The following SUGCT variants were observed in gnomAD, a reference collection of about 807,000 sequenced individuals.
SUGCT encodes the protein succinyl-CoA:glutarate-CoA transferase.
In SUGCT, 41 loss-of-function variants were observed where a neutral mutation model predicts 55.0. The ratio of observed to expected loss-of-function variants is 0.74; its 90% CI spans 0.58 to 0.97. The LOEUF (loss-of-function observed/expected upper bound fraction) is 0.97, where lower values mean the gene tolerates loss of function less well. SUGCT is among the 50% of genes least tolerant of loss of function. The pLI, the probability that SUGCT is intolerant of heterozygous loss-of-function variation, is 0.00. For synonymous variants in SUGCT, 187 were observed against 200.4 expected (o/e 0.93, Z 0.56); for missense variants, 568 against 547.8 (o/e 1.04, Z -0.37).
intron 13 of SUGCT, among the ~76,000 whole-genome samples, chr7:40,769,386 C>A (rs1409041537): frequency 6.6e-6 from 1 of 152,168 alleles, no homozygotes; most frequent in African/African-American, 2.4e-5. Flanking sequence ...TGAATGCTAT[C>A]ATATATGACA....
At chr7:40,670,470 A>G (rs1391710841) in intron 12 of SUGCT, among the ~76,000 whole-genome samples, 1 of 152,186 alleles carries the variant, frequency 6.6e-6, no homozygotes, top group African/African-American at 2.4e-5. Flanking sequence ...AAAACAGGAT[A>G]TTACTACAGA....
the SUGCT span, among the ~76,000 whole-genome samples, chr7:40,868,678 T>A: frequency 5.3e-5 from 8 of 152,152 alleles, no homozygotes; most frequent in African/African-American, 1.7e-4. Context: ...CCTGAGTAGT[T>A]GGGACTACAG....
intron 12 of SUGCT, among the ~76,000 whole-genome samples, chr7:40,744,226 C>T (rs1358318537): frequency 6.6e-6 from 1 of 152,114 alleles, no homozygotes; most frequent in African/African-American, 2.4e-5. Flanking sequence ...CCACGCCTGG[C>T]CACTGATGAG....
At chr7:40,407,804 A>G (rs1264864979) in intron 9 of SUGCT, among the ~76,000 whole-genome samples, 1 of 152,086 alleles carries the variant, frequency 6.6e-6, no homozygotes, top group Non-Finnish European at 1.5e-5. Flanking sequence ...AAACGAGACT[A>G]TCTTAGCTTA....
At chr7:40,700,098 A>G (rs1040476119) in intron 12 of SUGCT, among the ~76,000 whole-genome samples, 2 of 152,176 alleles carry the variant, frequency 1.3e-5, no homozygotes, top group Non-Finnish European at 2.9e-5. Context: ...AAGGACAAGG[A>G]GGAAGATGAC....
At chr7:40,427,975 A>C (rs1787676028) in intron 9 of SUGCT, among the ~76,000 whole-genome samples, 1 of 152,066 alleles carries the variant, frequency 6.6e-6, no homozygotes, top group Admixed American at 6.6e-5. Context: ...TATCTGTCTG[A>C]ATGTTCTATT....
the SUGCT span, among the ~76,000 whole-genome samples, chr7:40,957,487 T>C: frequency 7.2e-5 from 10 of 138,480 alleles, no homozygotes; most frequent in African/African-American, 2.3e-4. Flanking sequence ...TTCCATTTGC[T>C]TGGTAAATCT....
intron 11 of SUGCT, among the ~76,000 whole-genome samples, chr7:40,493,942 T>C (rs1232917368): frequency 2.6e-5 from 4 of 152,188 alleles, no homozygotes; most frequent in African/African-American, 9.7e-5. Context: ...GTTCATGGCA[T>C]TTCAGAACCC....
chr7:40,583,740 A>G (rs1312605700), intron 12 of SUGCT, among the ~76,000 whole-genome samples: 3 of 152,136 alleles, frequency 2.0e-5, no homozygotes, highest in Non-Finnish European at 2.9e-5. Context: ...TCCTGAGCCC[A>G]TCTACTCTGA....
chr7:40,730,164 A>G (rs771136041), intron 12 of SUGCT, among the ~76,000 whole-genome samples: 3 of 152,068 alleles, frequency 2.0e-5, no homozygotes, highest in South Asian at 2.1e-4. Flanking sequence ...CTGGAGTGCA[A>G]TCGCATGATC....
intron 9 of SUGCT, among the ~76,000 whole-genome samples, chr7:40,335,673 T>C (rs1373193872): frequency 6.6e-6 from 1 of 152,220 alleles, no homozygotes; most frequent in Non-Finnish European, 1.5e-5. Flanking sequence ...TTTCTAGATA[T>C]ACAATCATGT....
intron 12 of SUGCT, among the ~76,000 whole-genome samples, chr7:40,504,870 G>A (rs1305646006): frequency 1.3e-5 from 2 of 152,164 alleles, no homozygotes; most frequent in Non-Finnish European, 2.9e-5. Flanking sequence ...ATTTAGGAAT[G>A]TCTTATTTAG....
At chr7:40,325,846 ATTTCT>A (rs886857943) in intron 9 of SUGCT, among the ~76,000 whole-genome samples, 1 of 149,476 alleles carries the variant, frequency 6.7e-6, no homozygotes, top group African/African-American at 2.5e-5. Flanking sequence ...ACAAAAACAA[ATTTCT>A]TTTCTGACTG....
chr7:40,248,213 G>A (rs1790044144), intron 7 of SUGCT, among the ~76,000 whole-genome samples: 1 of 151,950 alleles, frequency 6.6e-6, no homozygotes, highest in African/African-American at 2.4e-5. Flanking sequence ...GTTTCTCCAT[G>A]TTGGTCAGGC....
rs151086520 is a variant in SUGCT at position 40,734,738 on chromosome 7, G to T, written c.1090-14696G>T. On this transcript the variant is annotated intron_variant, in intron 12 of 13. Coordinates refer to ENST00000335693, the MANE Select transcript of SUGCT (RefSeq NM_001193313.2). ...TTTGGTCCCTGCAAAAAAATAGAAT[G>T]GTTGGCAGACATTTAAGTGATGAGT... 5.6e-3 allele frequency among the ~76,000 whole-genome samples: 859 copies of T among 152,154 alleles called. 18 individuals are homozygous for T. Among genetic ancestry groups the T allele is most frequent in the South Asian group, 0.037 (180 of 4,822 alleles).
chr7:40,639,670 G>A (rs903150415), intron 12 of SUGCT, among the ~76,000 whole-genome samples: 2 of 143,578 alleles, frequency 1.4e-5, no homozygotes, highest in Non-Finnish European at 3.0e-5. Context: ...TTACCATGCC[G>A]TCTAATTTTT....
chr7:40,824,286 A>G (rs186037737), intron 13 of SUGCT, among the ~76,000 whole-genome samples: 2 of 152,320 alleles, frequency 1.3e-5, no homozygotes, highest in South Asian at 2.1e-4. Context: ...TGTTCTTAAA[A>G]TCCAAAGAAT....
chr7:40,426,839 G>T (rs1035273784), intron 9 of SUGCT, among the ~76,000 whole-genome samples: 5 of 151,634 alleles, frequency 3.3e-5, no homozygotes, highest in African/African-American at 9.7e-5. Flanking sequence ...TAAGAGATAG[G>T]GTCTTGCTCT....
At chr7:40,934,126 G>T in the SUGCT span, among the ~76,000 whole-genome samples, 1 of 152,194 alleles carries the variant, frequency 6.6e-6, no homozygotes, top group Admixed American at 6.5e-5. Flanking sequence ...TTTTGGATTG[G>T]ATGTCCTTTT....
Sources: allele counts gnomAD v4.1 joint callset (sites outside exome capture counted in the v4.1 genomes callset), GRCh38; gene constraint gnomAD v4.1.1; transcripts MANE v1.5; gene names NCBI Gene and HGNC (gene_info 2026-07-23, HGNC 2026-07-21).